Variants in COL4A5 observed in about 807,000 individuals in gnomAD.
COL4A5 encodes collagen type IV alpha 5 chain.
In COL4A5, 26 loss-of-function variants were observed where a neutral mutation model predicts 130.2. The observed-to-expected ratio is 0.20, with a 90% confidence interval of 0.15 to 0.28. COL4A5 has a LOEUF of 0.28. Ranked by LOEUF, COL4A5 falls within the 10% of genes least tolerant of loss-of-function variation. COL4A5 has a pLI of 1.00. For synonymous variants in COL4A5, 496 were observed against 439.6 expected, an observed-to-expected ratio of 1.13 and a Z score of -1.60; for missense variants, 1,131 against 1,344.3, an observed-to-expected ratio of 0.84 and a Z score of 2.48.
At chrX:108,576,209 TTTTGTTGGTTGCTCTTGATGTATCAGTG>T (rs1437388235) in intron 10 of COL4A5, among the ~76,000 whole-genome samples, 4 of 112,031 alleles carry the variant, frequency 3.6e-5, no homozygotes, top group Non-Finnish European at 7.5e-5. Flanking sequence ...CAATGAAATA[TTTTGTTGGTTGCTCTTGATGTATCAGTG>T]TTGAAGTCAA....
intron 1 of COL4A5, among the ~76,000 whole-genome samples, chrX:108,464,131 G>A (rs1048535452): frequency 5.4e-5 from 6 of 111,481 alleles, no homozygotes; most frequent in African/African-American, 2.0e-4. Context: ...AGGATCTATA[G>A]TGTCCTCTTC....
intron 37 of COL4A5, among the ~76,000 whole-genome samples, chrX:108,660,434 A>G (rs182465828): frequency 2.1e-4 from 23 of 111,537 alleles, no homozygotes; most frequent in African/African-American, 6.8e-4. Flanking sequence ...GCTGGTGACA[A>G]ATTCTCTCAC....
At chrX:108,652,749 C>T (rs1159291155) in intron 36 of COL4A5, among the ~76,000 whole-genome samples, 1 of 112,245 alleles carries the variant, frequency 8.9e-6, no homozygotes, top group East Asian at 2.8e-4. Flanking sequence ...CAAATTGACT[C>T]CTTTTTCTAC....
intron 31 of COL4A5, 137 bp downstream of exon 31, chrX:108,620,563 G>A: frequency 1.9e-6 from 1 of 515,003 alleles, no homozygotes. Flanking sequence ...TATGACTGCA[G>A]GAAGCTCACT....
rs1033773600 is a variant in COL4A5, at chrX:108,597,283, G to T, written c.1588-94G>T. On this transcript the variant is annotated intron_variant, in intron 23 of 52. Transcript: ENST00000328300. ...ATTGGATGGGTTGAAGGGGTAAACT[G>T]GAGAGAAGAAAATGTTAGAAAAAAA... 22 of 973,208 alleles carry T rather than the reference G, an allele frequency of 2.3e-5. No individual in the cohort carries two copies. The African/African-American group carries it at 3.7e-4, about 16-fold the overall frequency. The allele number at this position is 973,208 out of a possible 1,213,427, so 80.2% of individuals were successfully genotyped here.
chrX:108,457,397 G>A (rs770282314), intron 1 of COL4A5, among the ~76,000 whole-genome samples: 9 of 111,583 alleles, frequency 8.1e-5, no homozygotes, highest in South Asian at 3.7e-4. Context: ...TAATCATACC[G>A]TAAGAAAAAT....
intron 1 of COL4A5, among the ~76,000 whole-genome samples, chrX:108,457,367 G>A (rs2064594426): frequency 8.9e-6 from 1 of 111,802 alleles, no homozygotes; most frequent in African/African-American, 3.3e-5. Flanking sequence ...TGCATAAAAT[G>A]GGTGAATTTT....
At chrX:108,449,885 T>A (rs1221019104) in intron 1 of COL4A5, among the ~76,000 whole-genome samples, 2 of 112,083 alleles carry the variant, frequency 1.8e-5, no homozygotes, top group African/African-American at 3.2e-5. Flanking sequence ...TTAAAACATA[T>A]GAATTTTTTT....
At chrX:108,531,595 T>C (rs1237806713) in intron 1 of COL4A5, among the ~76,000 whole-genome samples, 2 of 108,096 alleles carry the variant, frequency 1.9e-5, no homozygotes, top group African/African-American at 6.7e-5. Flanking sequence ...AGAAAAAAAA[T>C]AGCAAAGATC....
rs190298089 is a variant in COL4A5 at position 108,690,790 on chromosome X, G to A, written c.4529-1958G>A. 2.7e-5 allele frequency among the ~76,000 whole-genome samples: 3 copies of A among 111,306 alleles called. No homozygotes were observed. The Admixed American group carries it at 2.9e-4, about 11-fold the overall frequency. On this transcript the variant is annotated intron_variant, in intron 49 of 52. Coordinates refer to ENST00000328300, the MANE Select transcript of COL4A5 (RefSeq NM_033380.3). Reference sequence around the variant, plus strand: ...CAGCTTTGCTAAAGATACAATTACCGTTAGATCCAGCAATCCCATTACTGG... The same window carrying A: ...CAGCTTTGCTAAAGATACAATTACCATTAGATCCAGCAATCCCATTACTGG...
intron 49 of COL4A5, chrX:108,689,728 ATT>A (rs1163459544): frequency 2.3e-5 from 17 of 752,572 alleles, no homozygotes; most frequent in Non-Finnish European, 2.7e-5. Flanking sequence ...TCTGTGTTGA[ATT>A]AGTGGAAGGA....
chrX:108,647,209 A>G (rs1223638301), intron 36 of COL4A5, among the ~76,000 whole-genome samples: 1 of 111,384 alleles, frequency 9.0e-6, no homozygotes, highest in African/African-American at 3.3e-5. Flanking sequence ...CTTCCTACCC[A>G]TGAGCATGGA....
At chrX:108,679,837 T>C (rs921134322) in intron 44 of COL4A5, among the ~76,000 whole-genome samples, 1 of 111,754 alleles carries the variant, frequency 8.9e-6, no homozygotes, top group African/African-American at 3.2e-5. Flanking sequence ...AAAATAATAG[T>C]TACCTTTCAT....
At chrX:108,572,154 A>C (rs1296724123) in intron 8 of COL4A5, among the ~76,000 whole-genome samples, 1 of 111,416 alleles carries the variant, frequency 9.0e-6, no homozygotes, top group Non-Finnish European at 1.9e-5. Context: ...GGCCTCTGTG[A>C]CACTATCCTT....
chrX:108,482,176 C>T (rs2064898593), intron 1 of COL4A5, among the ~76,000 whole-genome samples: 1 of 111,745 alleles, frequency 8.9e-6, no homozygotes, highest in African/African-American at 3.3e-5. Flanking sequence ...AATATCCATT[C>T]TCATGCCTGT....
At chrX:108,618,251 A>G (rs2066970555) in intron 30 of COL4A5, among the ~76,000 whole-genome samples, 1 of 110,929 alleles carries the variant, frequency 9.0e-6, no homozygotes, top group South Asian at 3.8e-4. Flanking sequence ...GAAAAAATCT[A>G]TGCTATGGGA....
At chrX:108,452,543 C>T (rs866331204) in intron 1 of COL4A5, among the ~76,000 whole-genome samples, 1 of 111,761 alleles carries the variant, frequency 8.9e-6, no homozygotes, top group Non-Finnish European at 1.9e-5. Context: ...TCCTTCACAT[C>T]CCTTGTAAGT....
chrX:108,518,083 G>T (rs1035450170), intron 1 of COL4A5, among the ~76,000 whole-genome samples: 12 of 111,114 alleles, frequency 1.1e-4, no homozygotes, highest in African/African-American at 3.9e-4. Flanking sequence ...GGGAAAAGTT[G>T]CTATTGAATA....
intron 38 of COL4A5, 137 bp downstream of exon 38, chrX:108,665,724 G>A (rs2068064096): frequency 6.1e-6 from 3 of 493,187 alleles, no homozygotes; most frequent in Non-Finnish European, 3.6e-6. Context: ...AACACTGCAT[G>A]TGAGGTACAG....
Sources: gnomAD v4.1 joint callset for allele counts (sites outside exome capture counted in the v4.1 genomes callset) on GRCh38, gnomAD v4.1.1 for gene constraint, MANE v1.5 for transcripts, NCBI Gene and HGNC (gene_info 2026-07-23, HGNC 2026-07-21) for gene names.